Variants in NIPAL3 observed in about 807,000 individuals in gnomAD.
NIPAL3 encodes NIPA like domain containing 3.
NIPAL3 carries 41 observed loss-of-function variants against 47.2 expected under a neutral mutation model. The ratio of observed to expected loss-of-function variants is 0.87; its 90% CI spans 0.68 to 1.13. The LOEUF (loss-of-function observed/expected upper bound fraction) is 1.13. Ranked by LOEUF, NIPAL3 falls within the 50% of genes most tolerant of loss-of-function variation. The pLI is 0.00. For missense variants in NIPAL3, 449 were observed against 530.1 expected, an observed-to-expected ratio of 0.85 and a Z score of 1.50; for synonymous variants, 194 against 209.6, an observed-to-expected ratio of 0.93 and a Z score of 0.64.
chr1:24,455,995 A>G, intron 7 of NIPAL3, 143 bp from the exon 8 acceptor site: 2 of 923,192 alleles, frequency 2.2e-6, no homozygotes, highest in East Asian at 2.4e-5. Flanking sequence ...GGCGTCTGTC[A>G]CTGTGCAAAC....
intron 11 of NIPAL3, among the ~76,000 whole-genome samples, chr1:24,468,353 G>A (rs57832431): frequency 0.014 from 2,086 of 152,040 alleles, 51 homozygotes; most frequent in African/African-American, 0.049. Context: ...AACAAACTGC[G>A]TCCCTCCTGA....
chr1:24,450,273 C>T (rs1163389894), intron 6 of NIPAL3, among the ~76,000 whole-genome samples: 1 of 152,190 alleles, frequency 6.6e-6, no homozygotes, highest in Admixed American at 6.5e-5. Flanking sequence ...GTTCTTATTT[C>T]CTCTTCATCT....
intron 1 of NIPAL3, among the ~76,000 whole-genome samples, chr1:24,418,940 A>T: frequency 7.0e-6 from 1 of 143,002 alleles, no homozygotes; most frequent in African/African-American, 2.6e-5. Flanking sequence ...TTTTTTTGAG[A>T]CCTGGAGAAG....
At chr1:24,468,893 C>A in intron 11 of NIPAL3, 93 bp from the exon 12 acceptor site, 2 of 1,129,376 alleles carry the variant, frequency 1.8e-6, no homozygotes, top group Non-Finnish European at 1.3e-6. Context: ...AGCTGCTGAG[C>A]ACTATAATTA....
intron 2 of NIPAL3, among the ~76,000 whole-genome samples, chr1:24,423,318 G>C (rs1570182319): frequency 6.6e-6 from 1 of 152,320 alleles, no homozygotes; most frequent in East Asian, 1.9e-4. Flanking sequence ...CTCCATGGAT[G>C]GCTAATGCCA....
chr1:24,465,425 G>GTGTATATA (rs564486790), intron 11 of NIPAL3: 1 of 149,182 alleles, frequency 6.7e-6, no homozygotes. Context: ...ATTTGTGTGT[G>GTGTATATA]TATATATATA....
chr1:24,471,479 GC>G lies in NIPAL3; in HGVS notation c.*2295del, dbSNP rs1646900238. ...GCCTGTGATCCTAGCTACTCAGGAGGCTGAGGTGGGAGGATCGCTAGAGCCC... is the reference window on the plus strand; with the variant it reads ...GCCTGTGATCCTAGCTACTCAGGAGGTGAGGTGGGAGGATCGCTAGAGCCC... On this transcript the variant is annotated 3_prime_UTR_variant, in exon 12 of 12. Coordinates refer to ENST00000374399, the MANE Select transcript of NIPAL3 (RefSeq NM_020448.5). 1 of 152,018 alleles carries G rather than the reference GC, an allele frequency of 6.6e-6. No individual in the cohort carries two copies. Among genetic ancestry groups the G allele is most frequent in the African/African-American group, 2.4e-5 (1 of 41,286 alleles). The allele number at this position is 152,018 out of a possible 1,614,324, so 9.4% of individuals were successfully genotyped here.
At chr1:24,435,030 G>GTTTTGTAGTACTGGT (rs1645037028) in intron 2 of NIPAL3, among the ~76,000 whole-genome samples, 2 of 152,168 alleles carry the variant, frequency 1.3e-5, no homozygotes, top group Non-Finnish European at 2.9e-5. Flanking sequence ...TAGTAGTCAA[G>GTTTTGTAGTACTGGT]ACAATATGGT....
intron 5 of NIPAL3, among the ~76,000 whole-genome samples, chr1:24,446,519 A>G (rs7543032): frequency 0.11 from 16,753 of 151,680 alleles, 952 homozygotes; most frequent in African/African-American, 0.12. Context: ...AAGTGAGGAC[A>G]TGCAGTATTT....
chr1:24,445,992 T>G (rs1645638315), intron 5 of NIPAL3, among the ~76,000 whole-genome samples: 2 of 151,976 alleles, frequency 1.3e-5, no homozygotes, highest in Non-Finnish European at 2.9e-5. Flanking sequence ...AAACACCTAC[T>G]AAGTCCCATG....
chr1:24,435,425 T>C (rs1645054728), intron 2 of NIPAL3, among the ~76,000 whole-genome samples: 1 of 152,242 alleles, frequency 6.6e-6, no homozygotes, highest in African/African-American at 2.4e-5. Flanking sequence ...TTTTGTAGTG[T>C]ACCATTTTAA....
intron 4 of NIPAL3, among the ~76,000 whole-genome samples, chr1:24,444,270 T>C (rs1179086070): frequency 6.6e-6 from 1 of 151,988 alleles, no homozygotes; most frequent in Non-Finnish European, 1.5e-5. Flanking sequence ...ACCCCTATCA[T>C]TCAGAAAAGT....
rs946268754 is a variant in NIPAL3, at chr1:24,442,236, G to A, written c.334+10G>A. ...GCAGTTTCTGTGATAGGTAAGACCAGGGCTGCCCCACCCTCCCCTGGGGTG... is the reference window on the plus strand; with the variant it reads ...GCAGTTTCTGTGATAGGTAAGACCAAGGCTGCCCCACCCTCCCCTGGGGTG... On this transcript the variant is annotated intron_variant, in intron 4 of 11. Coordinates refer to ENST00000374399, the MANE Select transcript of NIPAL3 (RefSeq NM_020448.5). The A allele has an allele frequency of 6.2e-7, 1 of 1,612,498 alleles. No homozygotes were observed. Among genetic ancestry groups the A allele is most frequent in the Non-Finnish European group, 8.5e-7 (1 of 1,179,332 alleles).
intron 2 of NIPAL3, among the ~76,000 whole-genome samples, chr1:24,428,264 GAGAGAGA>G (rs1357242438): frequency 2.1e-4 from 12 of 58,186 alleles, no homozygotes; most frequent in African/African-American, 8.4e-4. Context: ...AAGAAAGAGA[GAGAGAGA>G]GAGAGAGAGA....
chr1:24,466,311 A>C (rs1203975575), intron 11 of NIPAL3: 2 of 366,038 alleles, frequency 5.5e-6, no homozygotes, highest in Admixed American at 4.3e-5. Context: ...TAAAATTAAA[A>C]ATAAATAAAT....
At chr1:24,465,686 A>C (rs909092353) in intron 11 of NIPAL3, 1 of 184,642 alleles carries the variant, frequency 5.4e-6, no homozygotes, top group African/African-American at 2.4e-5. Flanking sequence ...TCAAATCCCA[A>C]CTCTACCACC....
At chr1:24,428,263 AG>A (rs1644703446) in intron 2 of NIPAL3, among the ~76,000 whole-genome samples, 2 of 55,726 alleles carry the variant, frequency 3.6e-5, no homozygotes, top group African/African-American at 1.0e-4. Flanking sequence ...AAAGAAAGAG[AG>A]AGAGAGAGAG....
At chr1:24,426,816 T>C (rs1396326896) in intron 2 of NIPAL3, among the ~76,000 whole-genome samples, 1 of 152,116 alleles carries the variant, frequency 6.6e-6, no homozygotes, top group African/African-American at 2.4e-5. Flanking sequence ...TCGAGAAAAG[T>C]TGGGAACCTG....
upstream of NIPAL3, chr1:24,414,051 CT>C (rs921807698): frequency 1.4e-3 from 212 of 149,536 alleles, no homozygotes; most frequent in African/African-American, 4.6e-3. Flanking sequence ...AGCCCTGTTT[CT>C]TTTTTTTTTG....
Sources: gnomAD v4.1 joint callset for allele counts (sites outside exome capture counted in the v4.1 genomes callset) on GRCh38, gnomAD v4.1.1 for gene constraint, MANE v1.5 for transcripts, NCBI Gene and HGNC (gene_info 2026-07-23, HGNC 2026-07-21) for gene names.